Variants in EFR3B observed in about 807,000 individuals in gnomAD.
The protein encoded by EFR3B is protein EFR3 homolog B.
EFR3B carries 64 observed loss-of-function variants against 104.7 expected under a neutral mutation model. The observed-to-expected ratio is 0.61, with a 90% CI of 0.50 to 0.75. The LOEUF is 0.75. Ranked by LOEUF, EFR3B falls within the 30% of genes least tolerant of loss-of-function variation. The probability of loss-of-function intolerance (pLI) is 0.00; values close to 1 mark genes in which losing one functional copy is unlikely to be tolerated. For missense variants in EFR3B, 750 were observed against 1,078.5 expected (o/e 0.70, Z 4.27); for synonymous variants, 385 against 417.9 (o/e 0.92, Z 0.96).
intron 4 of EFR3B, among the ~76,000 whole-genome samples, chr2:25,109,275 G>A (rs770782469): frequency 4.0e-4 from 60 of 151,878 alleles, no homozygotes; most frequent in Non-Finnish European, 6.6e-4. Context: ...CCTTAACATC[G>A]CTAATCATTA....
intron 3 of EFR3B, among the ~76,000 whole-genome samples, chr2:25,099,267 T>G (rs1319101812): frequency 6.6e-6 from 1 of 152,072 alleles, no homozygotes; most frequent in Non-Finnish European, 1.5e-5. Context: ...CACAGCAGGT[T>G]TCCTGGATGG....
At position 25,118,392 on chromosome 2, in the gene EFR3B, C is replaced by T. The variant is rs112515746; in HGVS notation, c.364-3281C>T. 7.4e-4 allele frequency among the ~76,000 whole-genome samples: 113 copies of T among 152,176 alleles called. 2 individuals carry two copies. The highest frequency in any genetic ancestry group is 2.0e-4 in the Admixed American group (3 of 15,270). On this transcript the variant is annotated intron_variant, in intron 4 of 22. Coordinates refer to ENST00000403714, the MANE Select transcript of EFR3B (RefSeq NM_014971.2). ...TCTTCCAGGTTCATCCATGTTGTTGCAGCTGTCAGGATTCCCTTCTTCTTT... is the reference window on the plus strand; with the variant it reads ...TCTTCCAGGTTCATCCATGTTGTTGTAGCTGTCAGGATTCCCTTCTTCTTT...
At chr2:25,051,236 C>G (rs1470695963) in intron 1 of EFR3B, among the ~76,000 whole-genome samples, 1 of 152,046 alleles carries the variant, frequency 6.6e-6, no homozygotes, top group Non-Finnish European at 1.5e-5. Context: ...CTCAGCCTCC[C>G]GAGTAGCTAG....
intron 1 of EFR3B, among the ~76,000 whole-genome samples, chr2:25,057,042 G>A (rs1036558426): frequency 5.9e-5 from 9 of 152,290 alleles, no homozygotes; most frequent in East Asian, 1.9e-4. Context: ...TGAGGCACCC[G>A]GGGCTGGTGG....
intron 1 of EFR3B, among the ~76,000 whole-genome samples, chr2:25,044,545 A>C (rs1667665590): frequency 1.3e-5 from 2 of 152,180 alleles, no homozygotes; most frequent in Non-Finnish European, 2.9e-5. Flanking sequence ...GGAACAGGGC[A>C]CAATGAAAAT....
chr2:25,078,543 A>G (rs1408688629), intron 1 of EFR3B, among the ~76,000 whole-genome samples: 1 of 152,196 alleles, frequency 6.6e-6, no homozygotes, highest in Non-Finnish European at 1.5e-5. Context: ...CCTGAGTCTC[A>G]CGCTGTTCAA....
At chr2:25,074,106 C>T (rs1375964610) in intron 1 of EFR3B, among the ~76,000 whole-genome samples, 1 of 152,110 alleles carries the variant, frequency 6.6e-6, no homozygotes, top group Admixed American at 6.5e-5. Flanking sequence ...TATGAGTCAG[C>T]AAATCTTATT....
At chr2:25,074,298 G>T (rs1017462252) in intron 1 of EFR3B, among the ~76,000 whole-genome samples, 1 of 152,284 alleles carries the variant, frequency 6.6e-6, no homozygotes, top group Middle Eastern at 3.4e-3. Flanking sequence ...GAGCACAGTG[G>T]CTCACGCCTG....
chr2:25,092,634 C>T (rs188287020), intron 2 of EFR3B, among the ~76,000 whole-genome samples: 15 of 150,362 alleles, frequency 1.0e-4, no homozygotes, highest in South Asian at 2.1e-4. Context: ...CTGCAACCTC[C>T]GCTCCCCGGG....
At chr2:25,104,241 G>A (rs1180349948) in intron 4 of EFR3B, among the ~76,000 whole-genome samples, 2 of 152,064 alleles carry the variant, frequency 1.3e-5, no homozygotes, top group African/African-American at 4.8e-5. Context: ...GCACACACCT[G>A]TAATCCGATC....
chr2:25,059,135 T>C (rs1668109336), intron 1 of EFR3B, among the ~76,000 whole-genome samples: 1 of 148,756 alleles, frequency 6.7e-6, no homozygotes, highest in Non-Finnish European at 1.5e-5. Flanking sequence ...TTTTTTGAGA[T>C]GGAGTCTCGG....
chr2:25,068,868 G>A (rs760883026), intron 1 of EFR3B, among the ~76,000 whole-genome samples: 5 of 150,410 alleles, frequency 3.3e-5, no homozygotes, highest in African/African-American at 7.3e-5. Flanking sequence ...TGACCTTGTG[G>A]TCCGCCCACC....
intron 1 of EFR3B, among the ~76,000 whole-genome samples, chr2:25,051,641 T>G (rs1403811102): frequency 3.3e-4 from 50 of 149,270 alleles, no homozygotes; most frequent in Middle Eastern, 3.4e-3. Flanking sequence ...GTGTGTGTTT[T>G]TTTTTTTTTT....
intron 4 of EFR3B, among the ~76,000 whole-genome samples, chr2:25,107,489 G>A (rs1217139044): frequency 2.6e-5 from 4 of 152,284 alleles, no homozygotes; most frequent in Admixed American, 1.3e-4. Flanking sequence ...AACCAGGCCC[G>A]CATCTCTGGA....
chr2:25,052,918 A>G (rs1246511410), intron 1 of EFR3B, among the ~76,000 whole-genome samples: 1 of 152,194 alleles, frequency 6.6e-6, no homozygotes, highest in African/African-American at 2.4e-5. Flanking sequence ...TAGTATTCCT[A>G]TTTTAGAAAT....
intron 5 of EFR3B, 73 bp from the exon 6 acceptor site, chr2:25,128,110 T>C: frequency 6.6e-7 from 1 of 1,521,638 alleles, no homozygotes; most frequent in Non-Finnish European, 8.9e-7. Context: ...GCTGTGCTCT[T>C]CTCTTAGCCA....
intron 3 of EFR3B, 123 bp from the exon 4 acceptor site, chr2:25,103,514 T>G: frequency 7.4e-7 from 1 of 1,347,420 alleles, no homozygotes; most frequent in Non-Finnish European, 1.0e-6. Context: ...TGGCAGCCTG[T>G]GGGGGAGCCT....
chr2:25,050,542 T>C (rs1169417699), intron 1 of EFR3B, among the ~76,000 whole-genome samples: 2 of 152,198 alleles, frequency 1.3e-5, no homozygotes, highest in African/African-American at 4.8e-5. Flanking sequence ...TTTTAAAAAG[T>C]TGATTTTAAA....
At chr2:25,050,921 CA>C (rs894614420) in intron 1 of EFR3B, among the ~76,000 whole-genome samples, 3 of 152,130 alleles carry the variant, frequency 2.0e-5, no homozygotes, top group African/African-American at 7.2e-5. Context: ...TATTTCTTTT[CA>C]AAATATAGTC....
Sources: gnomAD v4.1 joint callset for allele counts (sites outside exome capture counted in the v4.1 genomes callset) on GRCh38, gnomAD v4.1.1 for gene constraint, MANE v1.5 for transcripts, NCBI Gene and HGNC (gene_info 2026-07-23, HGNC 2026-07-21) for gene names.